The following RABEP1 variants were observed in gnomAD, a reference collection of about 807,000 sequenced individuals.
RABEP1 encodes the protein rabaptin, RAB GTPase binding effector protein 1.
A neutral mutation model predicts 123.4 loss-of-function variants in RABEP1; 51 were observed. That is an observed-to-expected ratio of 0.41 (90% CI 0.33 to 0.52). The LOEUF (loss-of-function observed/expected upper bound fraction) is 0.52. Among genes scored for constraint, RABEP1 ranks in the 20% least tolerant of loss-of-function variants. The pLI is 0.16. For missense variants in RABEP1, 888 were observed against 996.3 expected (o/e 0.89, Z 1.46); for synonymous variants, 347 against 355.2 (o/e 0.98, Z 0.26).
chr17:5,296,108 T>G (rs1412466972), intron 1 of RABEP1, among the ~76,000 whole-genome samples: 3 of 152,188 alleles, frequency 2.0e-5, no homozygotes, highest in African/African-American at 7.2e-5. Flanking sequence ...TGTTTGTTTT[T>G]GCGCACTTCA....
At chr17:5,327,703 C>T (rs1370552748) in intron 2 of RABEP1, among the ~76,000 whole-genome samples, 1 of 151,920 alleles carries the variant, frequency 6.6e-6, no homozygotes, top group Non-Finnish European at 1.5e-5. Context: ...CCCACTTACT[C>T]AAAATGATCA....
intron 11 of RABEP1, among the ~76,000 whole-genome samples, chr17:5,367,683 G>A (rs943056479): frequency 6.7e-6 from 1 of 148,706 alleles, no homozygotes. Context: ...ACTATCTTCT[G>A]TTCAGTTGGT....
intron 2 of RABEP1, among the ~76,000 whole-genome samples, chr17:5,329,168 T>C (rs1459423553): frequency 6.6e-6 from 1 of 152,006 alleles, no homozygotes; most frequent in Non-Finnish European, 1.5e-5. Flanking sequence ...ATCTGTACAG[T>C]ACGTTAGATA....
Position 5,365,231 on chromosome 17 carries a change from G to A in RABEP1, c.1778G>A (p.Ser593Asn). 1 of 1,605,044 alleles carries A rather than the reference G, an allele frequency of 6.2e-7. No homozygotes were observed. The highest frequency in any genetic ancestry group is 8.5e-7 in the Non-Finnish European group (1 of 1,175,968). Residue 593 changes from serine (S) to asparagine (N), a missense_variant, in exon 11 of 18, where the codon AGT becomes AAT. Coordinates refer to ENST00000537505, the MANE Select transcript of RABEP1 (RefSeq NM_004703.6). ...ATAAAGCAAAGCAGCGAAGATTCGAGTCACCAGGTAAGGGAGGGTTTATAG... is the reference window on the plus strand; with the variant it reads ...ATAAAGCAAAGCAGCGAAGATTCGAATCACCAGGTAAGGGAGGGTTTATAG... ...DFIKQSSEDSSHQISALVLRA... is the reference protein window; with the variant it reads ...DFIKQSSEDSNHQISALVLRA...
At chr17:5,333,860 T>C (rs1356743095) in intron 3 of RABEP1, among the ~76,000 whole-genome samples, 1 of 152,146 alleles carries the variant, frequency 6.6e-6, no homozygotes, top group Non-Finnish European at 1.5e-5. Flanking sequence ...AAGCAAAAAT[T>C]TTCTAGAAGT....
At chr17:5,326,959 G>GTA (rs1362848489) in intron 2 of RABEP1, among the ~76,000 whole-genome samples, 1 of 152,166 alleles carries the variant, frequency 6.6e-6, no homozygotes, top group Non-Finnish European at 1.5e-5. Context: ...AGGCTACATG[G>GTA]TATAGCCTAT....
intron 1 of RABEP1, among the ~76,000 whole-genome samples, chr17:5,283,102 T>C (rs759679546): frequency 6.6e-6 from 1 of 152,080 alleles, no homozygotes; most frequent in Non-Finnish European, 1.5e-5. Flanking sequence ...TCTGGGCTCA[T>C]TTCTTAGCCT....
intron 2 of RABEP1, among the ~76,000 whole-genome samples, chr17:5,316,448 T>TAA (rs2075295925): frequency 1.2e-3 from 5 of 4,168 alleles, no homozygotes; most frequent in Non-Finnish European, 1.8e-3. Context: ...AGACTCTGTC[T>TAA]CAAAAAAAAA....
chr17:5,377,021 A>T, intron 13 of RABEP1, 95 bp from the exon 14 acceptor site: 2 of 1,331,034 alleles, frequency 1.5e-6, no homozygotes, highest in Non-Finnish European at 2.1e-6. Flanking sequence ...TGAACCATTA[A>T]AACAACATCT....
intron 1 of RABEP1, among the ~76,000 whole-genome samples, chr17:5,286,921 T>C (rs1005227933): frequency 6.6e-6 from 1 of 152,150 alleles, no homozygotes; most frequent in African/African-American, 2.4e-5. Context: ...ATTGAGAAGA[T>C]GACATTTGTG....
At chr17:5,371,503 CCTT>C (rs1265455101) in intron 12 of RABEP1, 1 of 151,742 alleles carries the variant, frequency 6.6e-6, no homozygotes, top group Non-Finnish European at 1.5e-5. Context: ...TTCTTTTTTC[CCTT>C]CTTTCATATC....
intron 1 of RABEP1, among the ~76,000 whole-genome samples, chr17:5,283,062 C>A (rs530336125): frequency 6.6e-6 from 1 of 152,032 alleles, no homozygotes; most frequent in African/African-American, 2.4e-5. Flanking sequence ...GCCTGGGAGT[C>A]TAGAGGACCT....
intron 6 of RABEP1, among the ~76,000 whole-genome samples, chr17:5,347,160 A>G (rs1291560126): frequency 6.6e-6 from 1 of 152,170 alleles, no homozygotes; most frequent in Non-Finnish European, 1.5e-5. Context: ...CTATAATCCC[A>G]GCACTTTGGG....
intron 1 of RABEP1, among the ~76,000 whole-genome samples, chr17:5,290,760 AT>A (rs2075025726): frequency 6.6e-6 from 1 of 151,832 alleles, no homozygotes; most frequent in African/African-American, 2.4e-5. Context: ...AGCCTGACTA[AT>A]TTTTTTCTAG....
At chr17:5,308,248 CAG>C (rs2075199643) in intron 1 of RABEP1, among the ~76,000 whole-genome samples, 1 of 133,934 alleles carries the variant, frequency 7.5e-6, no homozygotes, top group Non-Finnish European at 1.6e-5. Flanking sequence ...TTTTTTGAGA[CAG>C]AGTCTCACTC....
chr17:5,361,129 G>T, intron 8 of RABEP1, 79 bp from the exon 9 acceptor site: 1 of 1,223,300 alleles, frequency 8.2e-7, no homozygotes, highest in Non-Finnish European at 1.2e-6. Context: ...AATGAGTGGC[G>T]GAATACATTT....
At chr17:5,335,676 T>G (rs1170569845) in intron 4 of RABEP1, among the ~76,000 whole-genome samples, 2 of 152,200 alleles carry the variant, frequency 1.3e-5, no homozygotes, top group Non-Finnish European at 2.9e-5. Context: ...AGCACATATT[T>G]CCTTATACTA....
At chr17:5,338,273 A>C (rs1368744025) in intron 5 of RABEP1, 135 bp downstream of exon 5, 1 of 1,193,010 alleles carries the variant, frequency 8.4e-7, no homozygotes, top group Non-Finnish European at 1.1e-6. Flanking sequence ...TTTAAAATGC[A>C]AAAAACTGCC....
At chr17:5,312,870 G>A (rs1343139501) in intron 2 of RABEP1, among the ~76,000 whole-genome samples, 1 of 152,148 alleles carries the variant, frequency 6.6e-6, no homozygotes, top group African/African-American at 2.4e-5. Flanking sequence ...AGTTTGAGAG[G>A]CTGAGGCGGG....
Sources: gnomAD v4.1 joint callset for allele counts (sites outside exome capture counted in the v4.1 genomes callset) on GRCh38, gnomAD v4.1.1 for gene constraint, MANE v1.5 for transcripts, NCBI Gene and HGNC (gene_info 2026-07-23, HGNC 2026-07-21) for gene names.